LAMA3: variants seen among roughly 807,000 people sequenced by gnomAD.
LAMA3 encodes the protein laminin subunit alpha-3.
In LAMA3, 281 loss-of-function variants were observed where a neutral mutation model predicts 402.0. That is an observed-to-expected ratio of 0.70 (90% CI 0.63 to 0.77). LAMA3 has a LOEUF of 0.77. Among genes scored for constraint, LAMA3 ranks in the 30% least tolerant of loss-of-function variants. LAMA3 has a pLI of 0.00. For synonymous variants in LAMA3, 1,431 were observed against 1,558.4 expected (o/e 0.92, Z 1.93); for missense variants, 3,840 against 4,215.5 (o/e 0.91, Z 2.47).
At chr18:23,920,847 G>T in intron 60 of LAMA3, 88 bp from the exon 61 acceptor site, 1 of 1,504,074 alleles carries the variant, frequency 6.6e-7, no homozygotes, top group Non-Finnish European at 9.2e-7. Context: ...CTGAGAGCAG[G>T]GGGGTCTGTG....
At chr18:23,885,739 T>C (rs531226930) in intron 41 of LAMA3, among the ~76,000 whole-genome samples, 16 of 152,300 alleles carry the variant, frequency 1.1e-4, no homozygotes, top group African/African-American at 3.9e-4. Flanking sequence ...TCTCATAAAA[T>C]CAATACATAT....
chr18:23,903,253 A>G (rs534172668), intron 49 of LAMA3, 128 bp downstream of exon 49: 5 of 684,808 alleles, frequency 7.3e-6, no homozygotes, highest in Admixed American at 4.8e-5. Context: ...AAGAGAATAT[A>G]ATGAAATGTT....
At chr18:23,892,130 CTAATGCT>C (rs1156540900) in intron 42 of LAMA3, among the ~76,000 whole-genome samples, 1 of 152,188 alleles carries the variant, frequency 6.6e-6, no homozygotes, top group Non-Finnish European at 1.5e-5. Context: ...GAAGAAGTGT[CTAATGCT>C]TAAAGATGAA....
chr18:23,705,968 C>A (rs1488218638), intron 1 of LAMA3, among the ~76,000 whole-genome samples: 2 of 152,150 alleles, frequency 1.3e-5, no homozygotes, highest in South Asian at 4.1e-4. Context: ...CATCCCAAAT[C>A]TTTTATTAAT....
intron 32 of LAMA3, among the ~76,000 whole-genome samples, chr18:23,849,766 C>T (rs1451832360): frequency 6.6e-6 from 1 of 152,140 alleles, no homozygotes; most frequent in Non-Finnish European, 1.5e-5. Context: ...ACAGCATCAA[C>T]AGAAATGGAA....
In LAMA3 at chr18:23,884,753, T is replaced by C. The variant is rs2065014226; in HGVS notation, c.5223-20T>C. The stretch of plus-strand genomic sequence containing the variant: ...ATCGATCTGTGTTTTTGATGGGGCC[T>C]TTTTCTGTCTTCTTTCAAGCTTTGC... On this transcript the variant is annotated intron_variant, in intron 40 of 74. Transcript: ENST00000313654. 1.9e-6 allele frequency: 3 copies of C among 1,600,220 alleles called. No homozygotes were observed. The highest frequency in any genetic ancestry group is 2.6e-6 in the Non-Finnish European group (3 of 1,167,860).
chr18:23,769,195 C>T (rs1192239549), intron 8 of LAMA3, among the ~76,000 whole-genome samples: 2 of 152,100 alleles, frequency 1.3e-5, no homozygotes, highest in African/African-American at 4.8e-5. Flanking sequence ...CCTACCTTCC[C>T]AACCCCTCTT....
intron 12 of LAMA3, among the ~76,000 whole-genome samples, chr18:23,806,792 C>A (rs147867017): frequency 6.6e-6 from 1 of 152,308 alleles, no homozygotes; most frequent in Non-Finnish European, 1.5e-5. Context: ...AGCTCTGAGG[C>A]TGTAGGAGAT....
At chr18:23,849,293 G>C (rs966484699) in intron 32 of LAMA3, among the ~76,000 whole-genome samples, 1 of 152,146 alleles carries the variant, frequency 6.6e-6, no homozygotes, top group African/African-American at 2.4e-5. Context: ...AAGGAAGCTG[G>C]GAGAAAAACT....
chr18:23,912,672 C>T (rs1213244174), intron 55 of LAMA3, 39 bp from the exon 56 acceptor site: 2 of 1,572,930 alleles, frequency 1.3e-6, no homozygotes, highest in East Asian at 4.5e-5. Context: ...ACTTTCTTCA[C>T]AGGACAGTGT....
intron 1 of LAMA3, among the ~76,000 whole-genome samples, chr18:23,695,013 C>T (rs2145813603): frequency 6.6e-6 from 1 of 152,266 alleles, no homozygotes; most frequent in Non-Finnish European, 1.5e-5. Flanking sequence ...GATGGAATTG[C>T]TGTTTGATTT....
At chr18:23,876,068 C>T (rs45476099) in intron 38 of LAMA3, among the ~76,000 whole-genome samples, 1,878 of 152,308 alleles carry the variant, frequency 0.012, 11 homozygotes, top group Non-Finnish European at 0.02. Flanking sequence ...GTTCCAGCTA[C>T]GTTGGAGGCT....
At chr18:23,913,174 T>C (rs2081494612) in intron 56 of LAMA3, among the ~76,000 whole-genome samples, 1 of 152,202 alleles carries the variant, frequency 6.6e-6, no homozygotes, top group South Asian at 2.1e-4. Flanking sequence ...TTGGGGAGGA[T>C]GATTGGCACC....
intron 70 of LAMA3, among the ~76,000 whole-genome samples, chr18:23,949,327 C>T (rs1327874152): frequency 6.6e-6 from 1 of 152,136 alleles, no homozygotes; most frequent in Non-Finnish European, 1.5e-5. Flanking sequence ...AACACACTGC[C>T]TCGTGGAACT....
chr18:23,807,152 A>C (rs1003715114), intron 12 of LAMA3, among the ~76,000 whole-genome samples: 4 of 151,762 alleles, frequency 2.6e-5, no homozygotes, highest in African/African-American at 9.7e-5. Context: ...AATTCCAGAA[A>C]CCCCCAAACC....
intron 1 of LAMA3, among the ~76,000 whole-genome samples, chr18:23,712,086 A>C (rs983406209): frequency 2.0e-5 from 3 of 152,188 alleles, no homozygotes; most frequent in Non-Finnish European, 4.4e-5. Context: ...GTCCTAGCTT[A>C]AAAGTTATTC....
intron 27 of LAMA3, 63 bp from the exon 28 acceptor site, chr18:23,842,332 G>A (rs1285291413): frequency 3.8e-6 from 6 of 1,586,340 alleles, no homozygotes; most frequent in Non-Finnish European, 5.2e-6. Context: ...TATGATTCCA[G>A]TTATTCATAG....
Position 23,949,942 on chromosome 18 carries a change from A to G in LAMA3, c.9511+18A>G. The G allele has an allele frequency of 6.2e-7, 1 of 1,614,142 alleles. No homozygotes were observed. On this transcript the variant is annotated intron_variant, in intron 71 of 74. Coordinates refer to ENST00000313654, the MANE Select transcript of LAMA3 (RefSeq NM_198129.4). ...CGTCTTGGGTAAGGAGCAGTTCTAT[A>G]GAATTTAAGTCTTTGCATCTTAAGA...
chr18:23,951,052 AT>A (rs1733929416), intron 72 of LAMA3, among the ~76,000 whole-genome samples: 1 of 152,234 alleles, frequency 6.6e-6, no homozygotes, highest in Admixed American at 6.5e-5. Flanking sequence ...TGCAAATTAA[AT>A]GTAAATTATT....
Sources: gnomAD v4.1 joint callset for allele counts (sites outside exome capture counted in the v4.1 genomes callset) on GRCh38, gnomAD v4.1.1 for gene constraint, MANE v1.5 for transcripts, NCBI Gene and HGNC (gene_info 2026-07-23, HGNC 2026-07-21) for gene names.